FBXO33: variants seen among roughly 807,000 people sequenced by gnomAD.
The protein encoded by FBXO33 is F-box only protein 33.
Under a neutral mutation model 46.3 loss-of-function variants are expected in FBXO33, and 22 were observed. That is an observed-to-expected ratio of 0.48 (90% CI 0.34 to 0.68). The LOEUF (loss-of-function observed/expected upper bound fraction) is 0.68. Ranked by LOEUF, FBXO33 falls within the 30% of genes least tolerant of loss-of-function variation. The pLI, the probability that FBXO33 is intolerant of heterozygous loss-of-function variation, is 0.01. For synonymous variants in FBXO33, 337 were observed against 291.3 expected, an observed-to-expected ratio of 1.16 and a Z score of -1.60; for missense variants, 692 against 708.8, an observed-to-expected ratio of 0.98 and a Z score of 0.27.
intron 1 of FBXO33, among the ~76,000 whole-genome samples, chr14:39,422,787 T>C (rs962988134): frequency 5.9e-5 from 9 of 152,196 alleles, no homozygotes; most frequent in African/African-American, 2.2e-4. Flanking sequence ...AGGAACAAAA[T>C]GTCAAATTGG....
rs1469064128 is a variant in FBXO33, at chr14:39,397,892, A to AGAT, written c.*1621_*1623dup. 6.6e-6 allele frequency: 1 copy of AGAT among 152,646 alleles called. No individual in the cohort carries two copies. Among genetic ancestry groups the AGAT allele is most frequent in the Non-Finnish European group, 1.5e-5 (1 of 68,042 alleles). The allele number at this position is 152,646 out of a possible 1,614,324, so 9.5% of individuals were successfully genotyped here. ...GTTATTTTATCTGATCACATTTATA[A>AGAT]GATAAAATCTCACCACATCTGGCAT... On this transcript the variant is annotated 3_prime_UTR_variant, in exon 4 of 4. Coordinates refer to ENST00000298097, the MANE Select transcript of FBXO33 (RefSeq NM_203301.4).
chr14:39,424,425 C>T (rs1375977507), intron 1 of FBXO33, among the ~76,000 whole-genome samples: 1 of 152,150 alleles, frequency 6.6e-6, no homozygotes, highest in Non-Finnish European at 1.5e-5. Context: ...TTGATTATTG[C>T]TATATCTCCA....
chr14:39,410,057 A>G (rs2075415629), intron 1 of FBXO33, among the ~76,000 whole-genome samples: 1 of 152,124 alleles, frequency 6.6e-6, no homozygotes, highest in African/African-American at 2.4e-5. Context: ...AGAGCTTCCA[A>G]TACTTTGTTG....
At chr14:39,401,942 T>C in intron 2 of FBXO33, 81 bp from the exon 3 acceptor site, 1 of 1,127,104 alleles carries the variant, frequency 8.9e-7, no homozygotes, top group Non-Finnish European at 1.3e-6. Flanking sequence ...AAATAGGCAA[T>C]GAAAAGCATG....
chr14:39,411,213 A>G (rs953182312), intron 1 of FBXO33, among the ~76,000 whole-genome samples: 9 of 151,612 alleles, frequency 5.9e-5, no homozygotes, highest in Middle Eastern at 3.4e-3. Flanking sequence ...CTCCCGCCTC[A>G]GCCTCCTAAG....
chr14:39,424,064 C>T (rs1017317515), intron 1 of FBXO33, among the ~76,000 whole-genome samples: 2 of 152,106 alleles, frequency 1.3e-5, no homozygotes, highest in African/African-American at 4.8e-5. Context: ...TTTGGTTTTC[C>T]GTTTCTGTGT....
chr14:39,421,780 TCACACACACACACACACACA>T (rs10582893), intron 1 of FBXO33, among the ~76,000 whole-genome samples: 5 of 149,174 alleles, frequency 3.4e-5, no homozygotes, highest in African/African-American at 1.2e-4. Context: ...TGAGTACAAA[TCACACACACACACACACACA>T]CACACACACA....
intron 1 of FBXO33, among the ~76,000 whole-genome samples, chr14:39,417,821 G>A (rs1447137730): frequency 2.0e-5 from 3 of 152,070 alleles, no homozygotes; most frequent in South Asian, 2.1e-4. Context: ...GAGCCACCAC[G>A]CCTGGCCCAA....
In FBXO33 at chr14:39,432,232, A is replaced by T; in HGVS notation, c.-70T>A. 8.7e-7 allele frequency: 1 copy of T among 1,146,328 alleles called. No homozygotes were observed. The highest frequency in any genetic ancestry group is 3.9e-5 in the East Asian group (1 of 25,912). 71.0% of individuals were successfully genotyped at this position (1,146,328 alleles called of 1,614,324 possible). ...GAACCAAGTAGAACACAAGTTGTGG[A>T]GAGGGGGAAAGGCCTCTGCGGGCGT... On this transcript the variant is annotated 5_prime_UTR_variant, in exon 1 of 4. Coordinates refer to ENST00000298097, the MANE Select transcript of FBXO33 (RefSeq NM_203301.4).
At chr14:39,427,526 C>T (rs1236188623) in intron 1 of FBXO33, among the ~76,000 whole-genome samples, 1 of 152,130 alleles carries the variant, frequency 6.6e-6, no homozygotes, top group African/African-American at 2.4e-5. Flanking sequence ...TATACTACCA[C>T]AGGAGAAATA....
At position 39,401,579 on chromosome 14, in the gene FBXO33, A is replaced by G. The variant is rs766097493; in HGVS notation, c.993T>C (p.His331=). 3.7e-6 allele frequency: 6 copies of G among 1,614,228 alleles called. No individual in the cohort carries two copies. Among genetic ancestry groups the G allele is most frequent in the Non-Finnish European group, 5.1e-6 (6 of 1,180,034 alleles). The stretch of plus-strand genomic sequence containing the variant: ...GAAGAGACAGTCGTTGCAAAGGCAC[A>G]TGGTTGCTATCAGTTAAGACTCTTG... ...EMARVLTDSN[H]VPLQRLSLLV... is the part of the protein sequence containing the mutation. The change falls in exon 3 of 4, where the codon CAT becomes CAC. Residue 331 remains histidine, a synonymous_variant. Transcript: ENST00000298097.
intron 1 of FBXO33, among the ~76,000 whole-genome samples, chr14:39,417,529 T>C (rs1418101188): frequency 6.9e-6 from 1 of 144,410 alleles, no homozygotes; most frequent in Non-Finnish European, 1.5e-5. Flanking sequence ...TTAGTACAAG[T>C]ATTGTTATTT....
In FBXO33 at chr14:39,401,536, C is replaced by T; in HGVS notation, c.1036G>A (p.Val346Ile). Residue 346 changes from valine (V) to isoleucine (I), a missense_variant, in exon 3 of 4, where the codon GTA becomes ATA. Physicochemically the swap from Val to Ile is conservative, Grantham distance 29. Around this residue, in one of 3 missense-constraint regions of FBXO33, gnomAD observed 186 missense variants for 246.1 expected, o/e 0.76. Transcript: ENST00000298097. Reference protein sequence around the residue: ...RLSLLVHNVSVMHKSLDNMPN... With the variant: ...RLSLLVHNVSIMHKSLDNMPN... ...ATGTTGTCCAGAGACTTGTGCATTA[C>T]AGAAACATTGTGAACCAGAAGAGAC... 4 of 1,614,156 alleles carry T rather than the reference C, an allele frequency of 2.5e-6. No individual in the cohort carries two copies. Among genetic ancestry groups the T allele is most frequent in the Non-Finnish European group, 3.4e-6 (4 of 1,180,024 alleles).
At chr14:39,428,505 GA>G (rs1342460840) in intron 1 of FBXO33, among the ~76,000 whole-genome samples, 1 of 151,568 alleles carries the variant, frequency 6.6e-6, no homozygotes, top group Non-Finnish European at 1.5e-5. Context: ...CCTGGCCAAC[GA>G]TATGAATTCT....
At chr14:39,428,163 T>A (rs918558191) in intron 1 of FBXO33, among the ~76,000 whole-genome samples, 3 of 152,152 alleles carry the variant, frequency 2.0e-5, no homozygotes, top group African/African-American at 4.8e-5. Flanking sequence ...AGAAAATCAA[T>A]CTTGTACAAA....
intron 1 of FBXO33, among the ~76,000 whole-genome samples, chr14:39,426,122 A>T (rs939728158): frequency 2.0e-5 from 3 of 152,142 alleles, no homozygotes; most frequent in Admixed American, 6.5e-5. Context: ...TGCTATTTTT[A>T]AAAATTATTT....
rs532374326 is a variant in FBXO33, at chr14:39,431,561, T to G, written c.599+3A>C. The G allele has an allele frequency of 1.2e-6, 2 of 1,611,486 alleles. No individual in the cohort carries two copies. Among genetic ancestry groups the G allele is most frequent in the South Asian group, 2.2e-5 (2 of 91,078 alleles). On this transcript the variant is annotated splice_donor_region_variant and intron_variant, in intron 1 of 3. Transcript: ENST00000298097. ...GGCGGGGCGGGGCTCAGGGCAAGCC[T>G]ACCTGTTGTTCCGGATGCTGACCAG...
chr14:39,410,195 T>G (rs536012321), intron 1 of FBXO33, among the ~76,000 whole-genome samples: 4 of 152,314 alleles, frequency 2.6e-5, no homozygotes, highest in Middle Eastern at 3.4e-3. Context: ...TGGACTTTAG[T>G]ATGTTGAGGT....
At chr14:39,411,575 C>T (rs1002124460) in intron 1 of FBXO33, among the ~76,000 whole-genome samples, 4 of 150,272 alleles carry the variant, frequency 2.7e-5, no homozygotes, top group Non-Finnish European at 5.9e-5. Flanking sequence ...CAGGCTGGAG[C>T]GCAGTGGCCA....
Sources: allele counts gnomAD v4.1 joint callset (sites outside exome capture counted in the v4.1 genomes callset), GRCh38; gene constraint gnomAD v4.1.1; regional missense constraint gnomAD v4.1.1; transcripts MANE v1.5; gene names NCBI Gene and HGNC (gene_info 2026-07-23, HGNC 2026-07-21).